ARVCF: variants seen among roughly 807,000 people sequenced by gnomAD.
The protein encoded by ARVCF is ARVCF delta catenin family member.
ARVCF carries 66 observed loss-of-function variants against 90.9 expected under a neutral mutation model. The observed-to-expected ratio is 0.73, with a 90% CI of 0.60 to 0.89. The LOEUF (loss-of-function observed/expected upper bound fraction) is 0.89, where lower values mean the gene tolerates loss of function less well. Ranked by LOEUF, ARVCF falls within the 40% of genes least tolerant of loss-of-function variation. The pLI is 0.00. For synonymous variants in ARVCF, 653 were observed against 603.4 expected, an observed-to-expected ratio of 1.08 and a Z score of -1.21; for missense variants, 1,469 against 1,382.3, an observed-to-expected ratio of 1.06 and a Z score of -1.00.
downstream of ARVCF, chr22:19,968,796 C>A: frequency 7.2e-6 from 11 of 1,518,870 alleles, no homozygotes; most frequent in Middle Eastern, 6.6e-4. Flanking sequence ...AGGTGCCAGA[C>A]GTGCTCCTGC....
chr22:19,987,518 C>G (rs553090051), intron 3 of ARVCF, among the ~76,000 whole-genome samples: 2 of 152,178 alleles, frequency 1.3e-5, no homozygotes, highest in South Asian at 4.2e-4. Flanking sequence ...GGTTTATGAC[C>G]ACACTTCAGT....
chr22:19,991,881 C>T (rs914222304), intron 2 of ARVCF, among the ~76,000 whole-genome samples: 1 of 152,246 alleles, frequency 6.6e-6, no homozygotes, highest in Non-Finnish European at 1.5e-5. Context: ...CAGGGCTGCT[C>T]AGGCATCCTC....
At chr22:19,982,666 C>T (rs1943569385) in intron 3 of ARVCF, among the ~76,000 whole-genome samples, 2 of 152,206 alleles carry the variant, frequency 1.3e-5, no homozygotes, top group Admixed American at 1.3e-4. Flanking sequence ...CAGCCAGACG[C>T]CCTCAAGGGA....
intron 11 of ARVCF, among the ~76,000 whole-genome samples, chr22:19,974,850 C>T (rs543971879): frequency 6.6e-6 from 1 of 152,136 alleles, no homozygotes; most frequent in Admixed American, 6.5e-5. Context: ...TCCAAGTTCC[C>T]GGGCAACTGA....
intron 5 of ARVCF, chr22:19,980,515 G>A (rs894315744): frequency 1.4e-5 from 6 of 423,130 alleles, no homozygotes; most frequent in East Asian, 7.3e-5. Flanking sequence ...TGCTGTCACC[G>A]GGCAGTTTCC....
chr22:19,977,931 T>C (rs746730504), intron 8 of ARVCF, 27 bp downstream of exon 8: 1 of 1,578,454 alleles, frequency 6.3e-7, no homozygotes, highest in South Asian at 1.2e-5. Context: ...CAGCCCTTGG[T>C]ATGAGGCTGT....
chr22:19,976,867 CT>C (rs1387371118), intron 9 of ARVCF, 144 bp from the exon 10 acceptor site: 1 of 969,022 alleles, frequency 1.0e-6, no homozygotes, highest in Non-Finnish European at 1.6e-6. Context: ...CATCCCATCA[CT>C]TCTGGGCACT....
chr22:20,006,925 T>G (rs1030600712), intron 2 of ARVCF, among the ~76,000 whole-genome samples: 6 of 151,322 alleles, frequency 4.0e-5, no homozygotes, highest in African/African-American at 1.2e-4. Flanking sequence ...CCACCGCGCC[T>G]GGCCTACCCT....
At chr22:19,983,549 G>C (rs1033544037) in intron 3 of ARVCF, 2 of 152,342 alleles carry the variant, frequency 1.3e-5, no homozygotes, top group Admixed American at 1.3e-4. Context: ...TATCCCTCAG[G>C]CTGACAGAGG....
Position 19,979,914 on chromosome 22 carries a change from G to C in ARVCF, c.1225C>G (p.Leu409Val). The C allele has an allele frequency of 1.3e-6, 2 of 1,599,496 alleles. No individual in the cohort carries two copies. The highest frequency in any genetic ancestry group is 1.7e-6 in the Non-Finnish European group (2 of 1,173,822). ...LRGLPLLVAL[L>V]DHPRAEVRRR... ...CGCACCTCAGCCCGCGGGTGGTCCA[G>C]CAGTGCCACAAGCAGCGGCAGCCCC... The change falls in exon 6 of 20, where the codon CTG becomes GTG. Residue 409 changes from leucine (L) to valine (V), a missense_variant. Coordinates refer to ENST00000263207, the MANE Select transcript of ARVCF (RefSeq NM_001670.3).
At position 19,979,864 on chromosome 22, in the gene ARVCF, G is replaced by A. The variant is rs1233618875; in HGVS notation, c.1275C>T (p.Arg425=). ...EVRRRACGAL[R]NLSYGRDTDN... ...CAGTGTCGCGGCCATAGGAGAGGTT[G>A]CGCAGTGCCCCACAGGCCCGGCGCC... The change falls in exon 6 of 20, where the codon CGC becomes CGT. Residue 425 remains arginine, a synonymous_variant. Coordinates refer to ENST00000263207, the MANE Select transcript of ARVCF (RefSeq NM_001670.3). 6.2e-7 allele frequency: 1 copy of A among 1,608,866 alleles called. No homozygotes were observed. Among genetic ancestry groups the A allele is most frequent in the East Asian group, 2.2e-5 (1 of 44,728 alleles).
intron 3 of ARVCF, among the ~76,000 whole-genome samples, chr22:19,984,079 C>T (rs1304328170): frequency 6.6e-6 from 1 of 152,196 alleles, no homozygotes; most frequent in Admixed American, 6.5e-5. Flanking sequence ...TGAGGGGCTG[C>T]AGTTCTGGCG....
intron 2 of ARVCF, among the ~76,000 whole-genome samples, chr22:19,993,723 T>C (rs764299493): frequency 2.0e-4 from 30 of 152,164 alleles, no homozygotes; most frequent in Non-Finnish European, 3.4e-4. Flanking sequence ...AGGAATGACA[T>C]TGCACAGCCC....
intron 2 of ARVCF, among the ~76,000 whole-genome samples, chr22:19,999,441 G>GTGCC (rs1260220341): frequency 6.6e-6 from 1 of 152,206 alleles, no homozygotes; most frequent in Non-Finnish European, 1.5e-5. Context: ...CCACAGGGCA[G>GTGCC]TGCCTGGGTC....
chr22:19,980,110 C>T lies in ARVCF; in HGVS notation c.1029G>A (p.Ser343=), dbSNP rs369050821. The T allele has an allele frequency of 7.2e-5, 114 of 1,585,476 alleles. No individual in the cohort carries two copies. In the East Asian group the frequency reaches 1.2e-3, roughly 17 times the overall value. Reference sequence around the variant, plus strand: ...CCTTGCGGGCGCTATCCACTGAGGGCGAGCGCCGCACCAGCCGGTCCAGGC... The same window carrying T: ...CCTTGCGGGCGCTATCCACTGAGGGTGAGCGCCGCACCAGCCGGTCCAGGC... ...MGSLDRLVRR[S]PSVDSARKEP... is the part of the protein sequence containing the mutation. Residue 343 remains serine, a synonymous_variant, in exon 6 of 20, where the codon TCG becomes TCA. Coordinates refer to ENST00000263207, the MANE Select transcript of ARVCF (RefSeq NM_001670.3).
intron 12 of ARVCF, 73 bp from the exon 13 acceptor site, chr22:19,973,866 T>C: frequency 6.5e-7 from 1 of 1,545,144 alleles, no homozygotes; most frequent in Admixed American, 1.8e-5. Context: ...CTGACCGCTC[T>C]CTCCAGCTGG....
At chr22:19,999,775 G>A (rs957242946) in intron 2 of ARVCF, among the ~76,000 whole-genome samples, 5 of 152,164 alleles carry the variant, frequency 3.3e-5, no homozygotes, top group African/African-American at 1.2e-4. Flanking sequence ...GAGAGGCTGA[G>A]GGACCACTAG....
At chr22:20,006,295 T>G (rs1675958878) in intron 2 of ARVCF, among the ~76,000 whole-genome samples, 3 of 152,098 alleles carry the variant, frequency 2.0e-5, no homozygotes, top group Admixed American at 2.0e-4. Flanking sequence ...AGAGGCTCCC[T>G]GGCCAGGCGT....
chr22:19,989,638 C>T (rs922704970), intron 3 of ARVCF, among the ~76,000 whole-genome samples: 15 of 152,234 alleles, frequency 9.9e-5, no homozygotes, highest in African/African-American at 3.4e-4. Context: ...CAAAGAAGGG[C>T]GGGTGGAGGT....
Sources: gnomAD v4.1 joint callset for allele counts (sites outside exome capture counted in the v4.1 genomes callset) on GRCh38, gnomAD v4.1.1 for gene constraint, MANE v1.5 for transcripts, NCBI Gene and HGNC (gene_info 2026-07-23, HGNC 2026-07-21) for gene names.